The following VAV3 variants were observed in gnomAD, a reference collection of about 807,000 sequenced individuals.
VAV3 encodes the protein vav guanine nucleotide exchange factor 3.
In VAV3, 94 loss-of-function variants were observed where a neutral mutation model predicts 131.2. That is an observed-to-expected ratio of 0.72 (90% CI 0.61 to 0.85). The LOEUF is 0.85. Ranked by LOEUF, VAV3 falls within the 40% of genes least tolerant of loss-of-function variation. VAV3 has a pLI of 0.00. For synonymous variants in VAV3, 349 were observed against 342.0 expected (o/e 1.02, Z -0.22); for missense variants, 939 against 1,002.7 (o/e 0.94, Z 0.86).
chr1:107,861,084 C>G (rs140385620), intron 2 of VAV3, among the ~76,000 whole-genome samples: 199 of 151,618 alleles, frequency 1.3e-3, no homozygotes, highest in African/African-American at 4.7e-3. Context: ...ACTGTTGCTA[C>G]TTAAGAAATT....
At chr1:107,841,846 T>TA (rs76952448) in intron 2 of VAV3, among the ~76,000 whole-genome samples, 3,727 of 152,236 alleles carry the variant, frequency 0.024, 94 homozygotes, top group African/African-American at 0.061. Context: ...AATATCTCAT[T>TA]ATACTTTGTG....
At chr1:107,584,685 CAAAG>C in intron 25 of VAV3, among the ~76,000 whole-genome samples, 1 of 152,106 alleles carries the variant, frequency 6.6e-6, no homozygotes, top group South Asian at 2.1e-4. Context: ...ACCCAAAGTC[CAAAG>C]CTGTAACAAG....
intron 20 of VAV3, among the ~76,000 whole-genome samples, chr1:107,634,817 T>C (rs1286665227): frequency 6.6e-6 from 1 of 152,034 alleles, no homozygotes; most frequent in Non-Finnish European, 1.5e-5. Flanking sequence ...GCAAAGGATA[T>C]GAACAGACAC....
intron 20 of VAV3, among the ~76,000 whole-genome samples, chr1:107,634,654 G>T (rs1654764440): frequency 6.6e-6 from 1 of 151,688 alleles, no homozygotes; most frequent in Admixed American, 6.6e-5. Flanking sequence ...CTTCTGCACA[G>T]CAAAAGAAAC....
rs140925544 is a variant in VAV3 at position 107,729,787 on chromosome 1, T to C, written c.1502+19181A>G. Reference sequence around the variant, plus strand: ...CTCATTGGACTGATACAAGGAAAGATTGGAAAAATAATAAATACAAAAATT... The same window carrying C: ...CTCATTGGACTGATACAAGGAAAGACTGGAAAAATAATAAATACAAAAATT... On this transcript the variant is annotated intron_variant, in intron 15 of 26. Coordinates refer to ENST00000370056, the MANE Select transcript of VAV3 (RefSeq NM_006113.5). Among the ~76,000 whole-genome samples, 57 of 152,326 alleles carry C rather than the reference T, an allele frequency of 3.7e-4. No individual in the cohort carries two copies. In the East Asian group the frequency reaches 0.01, roughly 27 times the overall value.
intron 1 of VAV3, among the ~76,000 whole-genome samples, chr1:107,888,992 C>A (rs966482245): frequency 1.3e-5 from 2 of 152,034 alleles, no homozygotes; most frequent in African/African-American, 4.8e-5. Context: ...CTAAATTCAC[C>A]TACCCAGCAC....
intron 1 of VAV3, among the ~76,000 whole-genome samples, chr1:107,951,354 G>C (rs1218748296): frequency 6.6e-6 from 1 of 152,118 alleles, no homozygotes; most frequent in Admixed American, 6.5e-5. Flanking sequence ...CTGACTCCCA[G>C]ATCAACTCCA....
At chr1:107,763,504 A>G (rs1664558631) in intron 9 of VAV3, among the ~76,000 whole-genome samples, 1 of 152,198 alleles carries the variant, frequency 6.6e-6, no homozygotes. Context: ...CCCTACTAGG[A>G]AGTAGGTGTA....
chr1:107,649,312 G>A (rs569281383), intron 19 of VAV3, among the ~76,000 whole-genome samples: 144 of 152,208 alleles, frequency 9.5e-4, no homozygotes, highest in Non-Finnish European at 1.7e-3. Flanking sequence ...AGCGGCTGAA[G>A]AGGAGGCCAA....
chr1:107,802,624 G>A (rs1458417907), intron 2 of VAV3, among the ~76,000 whole-genome samples: 1 of 152,122 alleles, frequency 6.6e-6, no homozygotes, highest in South Asian at 2.1e-4. Flanking sequence ...TCTTGGTTAG[G>A]TAAAGAGGAT....
Position 107,964,989 on chromosome 1 carries a change from G to C in VAV3, c.-120C>G, listed in dbSNP as rs1156368758. 1 of 879,676 alleles carries C rather than the reference G, an allele frequency of 1.1e-6. No homozygotes were observed. 54.5% of individuals were successfully genotyped at this position (879,676 alleles called of 1,614,324 possible). On this transcript the variant is annotated 5_prime_UTR_variant, in exon 1 of 27. Coordinates refer to ENST00000370056, the MANE Select transcript of VAV3 (RefSeq NM_006113.5). ...CAACAGCCGCCGGCCCTTTCCCCGC[G>C]CGGGATCGAGGGAGCAGGAGCCGCG...
intron 12 of VAV3, among the ~76,000 whole-genome samples, chr1:107,754,964 T>C (rs1664014056): frequency 6.6e-6 from 1 of 152,110 alleles, no homozygotes; most frequent in Non-Finnish European, 1.5e-5. Flanking sequence ...AGCACTAATC[T>C]CAATATGGCA....
intron 15 of VAV3, among the ~76,000 whole-genome samples, chr1:107,745,991 C>T (rs1392350086): frequency 6.6e-6 from 1 of 152,178 alleles, no homozygotes; most frequent in Non-Finnish European, 1.5e-5. Flanking sequence ...GTTCTTCATG[C>T]ATTGTCATGG....
intron 24 of VAV3, among the ~76,000 whole-genome samples, chr1:107,599,509 A>AT (rs1651670190): frequency 6.6e-6 from 1 of 152,210 alleles, no homozygotes; most frequent in Admixed American, 6.5e-5. Context: ...GGCAATGGAG[A>AT]TGGTTTATAA....
chr1:107,680,785 T>A (rs1478614200), intron 19 of VAV3, among the ~76,000 whole-genome samples: 4 of 152,116 alleles, frequency 2.6e-5, no homozygotes, highest in Non-Finnish European at 5.9e-5. Flanking sequence ...CTTTTACAAA[T>A]GAGGAAACTA....
intron 2 of VAV3, among the ~76,000 whole-genome samples, chr1:107,859,358 C>G (rs1420770854): frequency 6.6e-6 from 1 of 152,126 alleles, no homozygotes; most frequent in African/African-American, 2.4e-5. Context: ...AGACGTTGAG[C>G]CAGCACACCT....
chr1:107,784,673 G>C (rs1194921345), intron 2 of VAV3, among the ~76,000 whole-genome samples: 1 of 152,186 alleles, frequency 6.6e-6, no homozygotes, highest in East Asian at 1.9e-4. Context: ...AAGGGCAGTA[G>C]AATCAAAGTG....
At chr1:107,585,612 C>T (rs1650420472) in intron 25 of VAV3, among the ~76,000 whole-genome samples, 1 of 152,116 alleles carries the variant, frequency 6.6e-6, no homozygotes, top group African/African-American at 2.4e-5. Flanking sequence ...ACTGACAGTT[C>T]TCTCTTTCAC....
At chr1:107,706,785 G>T (rs1660481636) in intron 15 of VAV3, among the ~76,000 whole-genome samples, 1 of 152,148 alleles carries the variant, frequency 6.6e-6, no homozygotes, top group Non-Finnish European at 1.5e-5. Context: ...AAATAAGTTT[G>T]AGTCCTGGCA....
Sources: allele counts gnomAD v4.1 joint callset (sites outside exome capture counted in the v4.1 genomes callset), GRCh38; gene constraint gnomAD v4.1.1; transcripts MANE v1.5; gene names NCBI Gene and HGNC (gene_info 2026-07-23, HGNC 2026-07-21).